Variants in HCN1 observed in about 807,000 individuals in gnomAD.
HCN1 encodes potassium/sodium hyperpolarization-activated cyclic nucleotide-gated channel 1.
A neutral mutation model predicts 78.9 loss-of-function variants in HCN1; 13 were observed. That is an observed-to-expected ratio of 0.16 (90% CI 0.11 to 0.26). The LOEUF is 0.26. Ranked by LOEUF, HCN1 falls within the 10% of genes least tolerant of loss-of-function variation. HCN1 has a pLI of 1.00. For missense variants in HCN1, 810 were observed against 1,154.3 expected, an observed-to-expected ratio of 0.70 and a Z score of 4.32; for synonymous variants, 552 against 455.5, an observed-to-expected ratio of 1.21 and a Z score of -2.70.
chr5:45,599,208 A>G (rs1395426018), intron 2 of HCN1, among the ~76,000 whole-genome samples: 1 of 152,176 alleles, frequency 6.6e-6, no homozygotes. Flanking sequence ...GCATGTGTAC[A>G]CCATGGAATA....
At position 45,360,625 on chromosome 5, in the gene HCN1, T is replaced by C. The variant is rs189005453; in HGVS notation, c.1231-7379A>G. On this transcript the variant is annotated intron_variant, in intron 4 of 7. Transcript: ENST00000303230. ...AACACAGCAACATCTTCAATGCATATCTTTTAGAATTTTTTTTTCTCAGTA... is the reference window on the plus strand; with the variant it reads ...AACACAGCAACATCTTCAATGCATACCTTTTAGAATTTTTTTTTCTCAGTA... Among the ~76,000 whole-genome samples, 159 of 152,256 alleles carry C rather than the reference T, an allele frequency of 1.0e-3. 1 individual carries two copies. Among genetic ancestry groups the C allele is most frequent in the Admixed American group, 3.4e-3 (52 of 15,272 alleles).
At chr5:45,346,345 G>A (rs1243747718) in intron 5 of HCN1, among the ~76,000 whole-genome samples, 1 of 152,178 alleles carries the variant, frequency 6.6e-6, no homozygotes, top group South Asian at 2.1e-4. Context: ...AGAAAGGAGA[G>A]GGCAAAGAAG....
At chr5:45,603,155 T>C (rs1454001295) in intron 2 of HCN1, among the ~76,000 whole-genome samples, 1 of 152,102 alleles carries the variant, frequency 6.6e-6, no homozygotes, top group Non-Finnish European at 1.5e-5. Flanking sequence ...TTGTAGGTGA[T>C]AACCCAAGTG....
In HCN1 at chr5:45,534,404, C is replaced by CAAAAAAAA. The variant is rs71000637; in HGVS notation, c.850-72405_850-72398dup. Reference sequence around the variant, plus strand: ...TGGGCAACAGAGTGAGACTGCATCTCAAAAAAAAAAAAAAAAAAAAAAAAA... The same window carrying CAAAAAAAA: ...TGGGCAACAGAGTGAGACTGCATCTCAAAAAAAAAAAAAAAAAAAAAAAAAAAAAAAAA... On this transcript the variant is annotated intron_variant, in intron 2 of 7. Transcript: ENST00000303230. 4.7e-3 allele frequency among the ~76,000 whole-genome samples: 138 copies of CAAAAAAAA among 29,314 alleles called. 16 individuals carry two copies. Among genetic ancestry groups the CAAAAAAAA allele is most frequent in the Non-Finnish European group, 5.2e-3 (97 of 18,480 alleles). The allele number at this position is 29,314 out of a possible 152,430, so 19.2% of individuals were successfully genotyped here.
intron 6 of HCN1, among the ~76,000 whole-genome samples, chr5:45,283,642 C>G (rs1202275548): frequency 6.6e-6 from 1 of 152,054 alleles, no homozygotes; most frequent in Non-Finnish European, 1.5e-5. Context: ...AAAAAAATAA[C>G]AGATGCAGGT....
At chr5:45,631,930 C>T (rs1242488145) in intron 2 of HCN1, among the ~76,000 whole-genome samples, 1 of 151,970 alleles carries the variant, frequency 6.6e-6, no homozygotes, top group Non-Finnish European at 1.5e-5. Context: ...AAATTATCAT[C>T]CAGAGATTTA....
chr5:45,680,404 T>C (rs1258489591), intron 1 of HCN1, among the ~76,000 whole-genome samples: 1 of 152,142 alleles, frequency 6.6e-6, no homozygotes, highest in East Asian at 1.9e-4. Flanking sequence ...CATTACATAA[T>C]ACCTCCTTTC....
chr5:45,594,637 A>T (rs1406827312), intron 2 of HCN1, among the ~76,000 whole-genome samples: 1 of 152,342 alleles, frequency 6.6e-6, no homozygotes, highest in South Asian at 2.1e-4. Flanking sequence ...AAAAAAATTC[A>T]TTAAAAATAG....
intron 2 of HCN1, among the ~76,000 whole-genome samples, chr5:45,600,252 G>A (rs1744594975): frequency 1.3e-5 from 2 of 151,960 alleles, no homozygotes; most frequent in Admixed American, 1.3e-4. Context: ...CAACAAGGCA[G>A]AAAGAGACAG....
At chr5:45,679,926 G>A (rs544303274) in intron 1 of HCN1, among the ~76,000 whole-genome samples, 2 of 152,088 alleles carry the variant, frequency 1.3e-5, no homozygotes, top group South Asian at 4.1e-4. Flanking sequence ...AATTAGGGCT[G>A]AATACACTGC....
At chr5:45,651,679 T>G (rs1745678169) in intron 1 of HCN1, among the ~76,000 whole-genome samples, 1 of 151,924 alleles carries the variant, frequency 6.6e-6, no homozygotes, top group Non-Finnish European at 1.5e-5. Context: ...TAGGTCCTCT[T>G]CCCAATCCTC....
chr5:45,495,476 C>T (rs1301510666), intron 2 of HCN1, among the ~76,000 whole-genome samples: 2 of 151,032 alleles, frequency 1.3e-5, no homozygotes, highest in African/African-American at 2.4e-5. Flanking sequence ...GCTGAAGTTG[C>T]TTATCAGCTT....
chr5:45,597,072 C>T (rs1221195685), intron 2 of HCN1, among the ~76,000 whole-genome samples: 1 of 152,096 alleles, frequency 6.6e-6, no homozygotes, highest in Non-Finnish European at 1.5e-5. Context: ...TTAATGAGGC[C>T]AGCATCATCC....
At chr5:45,470,831 C>G (rs1027711953) in intron 2 of HCN1, among the ~76,000 whole-genome samples, 1 of 151,922 alleles carries the variant, frequency 6.6e-6, no homozygotes, top group Non-Finnish European at 1.5e-5. Context: ...TCACATGAAC[C>G]CTTAACTTTT....
Position 45,465,844 on chromosome 5 carries a change from A to C in HCN1, c.850-3837T>G, listed in dbSNP as rs545978311. Among the ~76,000 whole-genome samples the C allele has an allele frequency of 5.3e-5, 8 of 152,304 alleles. No individual in the cohort carries two copies. In the East Asian group the frequency reaches 1.5e-3, roughly 29 times the overall value. ...GTCTTTAGGAGACACGGTGCTTTAC[A>C]TTTGTCCAGCTCAGGACATTGTGCT... On this transcript the variant is annotated intron_variant, in intron 2 of 7. Transcript: ENST00000303230.
chr5:45,338,399 TATAAG>T (rs1746508003), intron 5 of HCN1, among the ~76,000 whole-genome samples: 2 of 152,320 alleles, frequency 1.3e-5, no homozygotes, highest in South Asian at 2.1e-4. Context: ...GAAATCATAC[TATAAG>T]ATAACATGTT....
chr5:45,595,044 G>C (rs1276002161), intron 2 of HCN1, among the ~76,000 whole-genome samples: 9 of 152,104 alleles, frequency 5.9e-5, no homozygotes, highest in Non-Finnish European at 1.3e-4. Flanking sequence ...ACTTTATCCA[G>C]GAAAAGAAAG....
In HCN1 at chr5:45,262,406, T is replaced by G; in HGVS notation, c.2188A>C (p.Met730Leu). ...ACCTGCTGCTGCGGCTGCTGTTGCA[T>G]GAGTGACAGCTGGGAGGCGGTGGGG... Reference protein sequence around the residue: ...ASPTASQLSLMQQQPQQQVQQ... With the variant: ...ASPTASQLSLLQQQPQQQVQQ... The change falls in exon 8 of 8, where the codon ATG (methionine) becomes CTG (leucine). Residue 730 changes from methionine to leucine, a missense_variant. By Grantham distance (15) the Met-to-Leu change is conservative. Coordinates refer to ENST00000303230, the MANE Select transcript of HCN1 (RefSeq NM_021072.4). 6.2e-7 allele frequency: 1 copy of G among 1,611,646 alleles called. No individual in the cohort carries two copies.
chr5:45,565,846 T>G (rs1481601773), intron 2 of HCN1, among the ~76,000 whole-genome samples: 5 of 152,142 alleles, frequency 3.3e-5, no homozygotes, highest in African/African-American at 1.2e-4. Context: ...AAGTATTCTA[T>G]TTGTTAATAT....
Sources: allele counts gnomAD v4.1 joint callset (sites outside exome capture counted in the v4.1 genomes callset), GRCh38; gene constraint gnomAD v4.1.1; transcripts MANE v1.5; gene names NCBI Gene and HGNC (gene_info 2026-07-23, HGNC 2026-07-21).